Variants in LRRC43 observed in about 807,000 individuals in gnomAD.
LRRC43 encodes the protein leucine rich repeat containing 43, also known as leucine-rich repeat-containing protein 43.
Under a neutral mutation model 64.3 loss-of-function variants are expected in LRRC43, and 62 were observed. The observed-to-expected ratio is 0.96, with a 90% confidence interval of 0.79 to 1.19. LRRC43 has a LOEUF of 1.19. Ranked by LOEUF, LRRC43 falls within the 50% of genes most tolerant of loss-of-function variation. The probability of loss-of-function intolerance (pLI) is 0.00; values close to 1 mark genes in which losing one functional copy is unlikely to be tolerated. For synonymous variants in LRRC43, 422 were observed against 382.3 expected, an observed-to-expected ratio of 1.10 and a Z score of -1.21; for missense variants, 868 against 845.0, an observed-to-expected ratio of 1.03 and a Z score of -0.34.
At chr12:122,175,745 C>T (rs1449027730) in intron 1 of LRRC43, among the ~76,000 whole-genome samples, 1 of 151,994 alleles carries the variant, frequency 6.6e-6, no homozygotes, top group Non-Finnish European at 1.5e-5. Context: ...CGGCTCACTG[C>T]AACCTCCGCC....
chr12:122,184,860 A>AACCTCCCTTAG lies in LRRC43; in HGVS notation c.411+81_411+82insACCTCCCTTAG. 6.8e-7 allele frequency: 1 copy of AACCTCCCTTAG among 1,459,860 alleles called. No homozygotes were observed. The highest frequency in any genetic ancestry group is 9.3e-7 in the Non-Finnish European group (1 of 1,073,486). 90.4% of individuals were successfully genotyped at this position (1,459,860 alleles called of 1,614,324 possible). A position where few individuals can be genotyped will look rare whatever the true frequency, so the allele number is the denominator to read the frequency against. Reference sequence around the variant, plus strand: ...TTGTGGGGAGGGCACCCTTCCCCACAGCGCGTCAGGGATCCTGCTTTCAGG... The same window carrying AACCTCCCTTAG: ...TTGTGGGGAGGGCACCCTTCCCCACAACCTCCCTTAGGCGCGTCAGGGATCCTGCTTTCAGG... On this transcript the variant is annotated intron_variant, in intron 2 of 11. Transcript: ENST00000339777. This position sits in a 1 kb window ranked among gnomAD's most constrained non-coding sequence, Gnocchi z 4.0.
Position 122,191,557 on chromosome 12 carries a change from T to C in LRRC43, c.1079T>C (p.Val360Ala). ...EEGEMNESAG[V>A]LAEIVKPSPS... is the part of the protein sequence containing the mutation. Reference sequence around the variant, plus strand: ...GGCGAAATGAATGAGTCCGCGGGCGTCCTGGCCGAGGTGTGCCCTGGTCTG... The same window carrying C: ...GGCGAAATGAATGAGTCCGCGGGCGCCCTGGCCGAGGTGTGCCCTGGTCTG... The change falls in exon 6 of 12, where the codon GTC becomes GCC. Residue 360 changes from valine (V) to alanine (A), a missense_variant. Val to Ala is a moderately conservative substitution (Grantham distance 64). Coordinates refer to ENST00000339777, the MANE Select transcript of LRRC43 (RefSeq NM_001098519.2). The C allele has an allele frequency of 6.2e-7, 1 of 1,613,808 alleles. No individual in the cohort carries two copies. Among genetic ancestry groups the C allele is most frequent in the Non-Finnish European group, 8.5e-7 (1 of 1,179,794 alleles).
chr12:122,203,242 G>T, intron 11 of LRRC43, 73 bp from the exon 12 acceptor site: 2 of 1,558,164 alleles, frequency 1.3e-6, no homozygotes, highest in Non-Finnish European at 1.7e-6. Flanking sequence ...TTGCATATGG[G>T]ATGGGTCAGG....
intron 1 of LRRC43, among the ~76,000 whole-genome samples, chr12:122,170,612 C>CA (rs1320789241): frequency 3.3e-5 from 5 of 152,000 alleles, no homozygotes; most frequent in African/African-American, 1.2e-4. Context: ...GCCTGGGTGA[C>CA]AGAGTGAGAC....
chr12:122,173,901 A>C, intron 1 of LRRC43: 1 of 1,614,130 alleles, frequency 6.2e-7, no homozygotes, highest in Non-Finnish European at 8.5e-7. Flanking sequence ...TCTGTACATC[A>C]TCACTTGGTC....
Position 122,184,414 on chromosome 12 carries a change from TC to T in LRRC43, c.151-104del. ...TGGCCTACTCTCTAGATTTCTAAAC[TC>T]TATCCCTAATCGTCCAGTTTTATGA... On this transcript the variant is annotated intron_variant, in intron 1 of 11. Transcript: ENST00000339777. This position sits in a 1 kb window ranked among gnomAD's most constrained non-coding sequence, Gnocchi z 4.0. 7.1e-7 allele frequency: 1 copy of T among 1,410,940 alleles called. No individual in the cohort carries two copies. Among genetic ancestry groups the T allele is most frequent in the Non-Finnish European group, 9.5e-7 (1 of 1,049,454 alleles). The allele number at this position is 1,410,940 out of a possible 1,614,324, so 87.4% of individuals were successfully genotyped here.
rs765493608 is a variant in LRRC43, at chr12:122,203,418, G to T, written c.1947G>T (p.Glu649Asp). 4.7e-5 allele frequency: 76 copies of T among 1,611,614 alleles called. No individual in the cohort carries two copies. The highest frequency in any genetic ancestry group is 6.2e-5 in the Non-Finnish European group (73 of 1,179,602). The change falls in exon 12 of 12, where the codon GAG becomes GAT. Residue 649 changes from glutamate to aspartate, a missense_variant. Physicochemically the swap from Glu to Asp is conservative, Grantham distance 45. Transcript: ENST00000339777. Reference protein sequence around the residue: ...IQLNQCRSAEEALRMFAV With the variant: ...IQLNQCRSAEDALRMFAV ...TGAACCAGTGCCGCTCGGCGGAGGA[G>T]GCTCTGCGCATGTTCGCCGTGTAGG...
upstream of LRRC43, among the ~76,000 whole-genome samples, chr12:122,182,498 GACA>G (rs1245125727): frequency 1.8e-5 from 2 of 109,024 alleles, no homozygotes; most frequent in African/African-American, 7.2e-5. Flanking sequence ...CTCCAGCCTG[GACA>G]ACAAGAGTGA....
intron 5 of LRRC43, 32 bp downstream of exon 5, chr12:122,190,400 C>T: frequency 6.4e-7 from 1 of 1,552,606 alleles, no homozygotes; most frequent in Non-Finnish European, 8.9e-7. Flanking sequence ...GAGGGGGTGG[C>T]ATGTGACACC....
chr12:122,199,013 C>T lies in LRRC43; in HGVS notation c.1350-1176C>T, dbSNP rs571436135. Among the ~76,000 whole-genome samples the T allele has an allele frequency of 2.0e-3, 267 of 132,178 alleles. 2 individuals are homozygous for T. Among genetic ancestry groups the T allele is most frequent in the African/African-American group, 7.2e-3 (250 of 34,650 alleles). The allele number at this position is 132,178 out of a possible 152,430, so 86.7% of individuals were successfully genotyped here. A position where few individuals can be genotyped will look rare whatever the true frequency, so the allele number is the denominator to read the frequency against. On this transcript the variant is annotated intron_variant, in intron 7 of 11. Coordinates refer to ENST00000339777, the MANE Select transcript of LRRC43 (RefSeq NM_001098519.2). ...TTTTTTTTTTTGAGACAGAGTTGCT[C>T]TGTCAGCAGGCTGGAGTGCAGTGGC...
chr12:122,168,838 G>A (rs1021505039), intron 1 of LRRC43, among the ~76,000 whole-genome samples: 3 of 152,144 alleles, frequency 2.0e-5, no homozygotes, highest in African/African-American at 4.8e-5. Context: ...CTTAGTGCTT[G>A]TATCTCCTTA....
rs149822167 is a variant in LRRC43, at chr12:122,187,365, C to T, written c.523-336C>T. ...AGGAAGGTTAGCTTTGGATTTATTC[C>T]TTATCCATCTAGGAGCCCTTTTGGC... On this transcript the variant is annotated intron_variant, in intron 3 of 11. Coordinates refer to ENST00000339777, the MANE Select transcript of LRRC43 (RefSeq NM_001098519.2). 1.1e-3 allele frequency: 219 copies of T among 204,974 alleles called. 1 individual carries two copies. Among genetic ancestry groups the T allele is most frequent in the African/African-American group, 4.7e-3 (206 of 43,622 alleles). 12.7% of individuals were successfully genotyped at this position (204,974 alleles called of 1,614,324 possible).
At chr12:122,190,412 C>T in intron 5 of LRRC43, 44 bp downstream of exon 5, 1 of 1,500,996 alleles carries the variant, frequency 6.7e-7, no homozygotes, top group Non-Finnish European at 9.2e-7. Flanking sequence ...TGTGACACCC[C>T]AGCCTGCGCC....
Position 122,184,587 on chromosome 12 carries a change from G to A in LRRC43, c.219G>A (p.Val73=), listed in dbSNP as rs761380375. The change falls in exon 2 of 12, where the codon GTG becomes GTA. Residue 73 remains valine (V), a synonymous_variant. Coordinates refer to ENST00000339777, the MANE Select transcript of LRRC43 (RefSeq NM_001098519.2). The surrounding 1 kb of genome is among the most constrained non-coding windows in gnomAD (Gnocchi z 4.0). ...WRELVPREED[V]VSPGEETVEA... ...AGCTTGTCCCCAGAGAGGAGGATGT[G>A]GTGAGCCCCGGAGAGGAGACGGTGG... 3 of 1,613,900 alleles carry A rather than the reference G, an allele frequency of 1.9e-6. No individual in the cohort carries two copies. The highest frequency in any genetic ancestry group is 2.2e-5 in the South Asian group (2 of 91,074).
chr12:122,191,296 A>C, intron 5 of LRRC43, 84 bp from the exon 6 acceptor site: 19 of 1,164,480 alleles, frequency 1.6e-5, no homozygotes, highest in Non-Finnish European at 1.8e-5. Context: ...GAATCTAGGG[A>C]CCCGTGCCTT....
intron 7 of LRRC43, among the ~76,000 whole-genome samples, chr12:122,199,022 G>A (rs1262750917): frequency 1.1e-4 from 17 of 149,326 alleles, no homozygotes; most frequent in Admixed American, 1.1e-3. Flanking sequence ...TCTGTCAGCA[G>A]GCTGGAGTGC....
intron 7 of LRRC43, 131 bp downstream of exon 7, chr12:122,193,135 C>T (rs1357526582): frequency 1.1e-5 from 10 of 897,638 alleles, no homozygotes; most frequent in South Asian, 6.9e-5. Context: ...AATCCCGGCA[C>T]TTTGGGAGGC....
chr12:122,169,273 T>TTA (rs1953464869), intron 1 of LRRC43, among the ~76,000 whole-genome samples: 2 of 152,222 alleles, frequency 1.3e-5, no homozygotes, highest in Non-Finnish European at 2.9e-5. Context: ...GGGAGATTCT[T>TTA]TGAGGCTATG....
At position 122,192,918 on chromosome 12, in the gene LRRC43, G is replaced by A. The variant is rs756241797; in HGVS notation, c.1263G>A (p.Ser421=). ...ESELSVISGP[S]TILQMPRASA... is the part of the protein sequence containing the mutation. ...AGCTGTCTGTCATCTCGGGGCCTTC[G>A]ACCATCTTGCAGATGCCGAGGGCCT... The change falls in exon 7 of 12, where the codon TCG becomes TCA. Residue 421 remains serine (S), a synonymous_variant. Transcript: ENST00000339777. The A allele has an allele frequency of 6.2e-7, 1 of 1,613,862 alleles. No homozygotes were observed. Among genetic ancestry groups the A allele is most frequent in the East Asian group, 2.2e-5 (1 of 44,880 alleles).
Sources: gnomAD v4.1 joint callset for allele counts (sites outside exome capture counted in the v4.1 genomes callset) on GRCh38, gnomAD v4.1.1 for gene constraint, Gnocchi (gnomAD v3.1) non-coding constraint, MANE v1.5 for transcripts, NCBI Gene and HGNC (gene_info 2026-07-23, HGNC 2026-07-21) for gene names.